The following PCDH15 variants were observed in gnomAD, a reference collection of about 807,000 sequenced individuals.
PCDH15 encodes the protein protocadherin related 15.
A neutral mutation model predicts 178.5 loss-of-function variants in PCDH15; 129 were observed. The ratio of observed to expected loss-of-function variants is 0.72; its 90% CI spans 0.63 to 0.84. The LOEUF (loss-of-function observed/expected upper bound fraction) is 0.84. Among genes scored for constraint, PCDH15 ranks in the 40% least tolerant of loss-of-function variants. The pLI is 0.00. For missense variants in PCDH15, 2,230 were observed against 2,099.9 expected, an observed-to-expected ratio of 1.06 and a Z score of -1.21; for synonymous variants, 800 against 732.0, an observed-to-expected ratio of 1.09 and a Z score of -1.50.
chr10:54,098,081 TAAAAC>T (rs928441124), intron 15 of PCDH15, among the ~76,000 whole-genome samples: 40 of 152,130 alleles, frequency 2.6e-4, no homozygotes, highest in African/African-American at 9.6e-4. Context: ...GAATTTACAG[TAAAAC>T]AAAACAAAAC....
intron 5 of PCDH15, among the ~76,000 whole-genome samples, chr10:54,354,316 A>G (rs1408378606): frequency 1.3e-5 from 2 of 152,172 alleles, no homozygotes; most frequent in African/African-American, 4.8e-5. Context: ...GAATATTTGA[A>G]TACTTGAATG....
chr10:54,293,638 C>A (rs181436532), intron 8 of PCDH15, among the ~76,000 whole-genome samples: 2 of 151,994 alleles, frequency 1.3e-5, no homozygotes, highest in African/African-American at 4.8e-5. Flanking sequence ...ACAAAAAAAC[C>A]CATTAAAAAG....
At chr10:55,256,285 C>G (rs1237181024) in intron 1 of PCDH15, among the ~76,000 whole-genome samples, 1 of 152,166 alleles carries the variant, frequency 6.6e-6, no homozygotes, top group African/African-American at 2.4e-5. Flanking sequence ...CAGTCTACAG[C>G]TCCCAGTGTG....
At chr10:53,980,915 T>C (rs2090585932) in intron 21 of PCDH15, among the ~76,000 whole-genome samples, 2 of 152,200 alleles carry the variant, frequency 1.3e-5, no homozygotes, top group African/African-American at 4.8e-5. Context: ...GGGGGTAGTA[T>C]GTAACTTATT....
chr10:54,526,490 C>T (rs192244895), intron 3 of PCDH15, among the ~76,000 whole-genome samples: 1 of 152,128 alleles, frequency 6.6e-6, no homozygotes, highest in Non-Finnish European at 1.5e-5. Flanking sequence ...AGCCATAATT[C>T]ATCACTGTAA....
intron 1 of PCDH15, among the ~76,000 whole-genome samples, chr10:54,749,674 C>T (rs1945939755): frequency 6.6e-6 from 1 of 152,116 alleles, no homozygotes; most frequent in Non-Finnish European, 1.5e-5. Context: ...CATTTTCCAG[C>T]TGAGTACTTT....
At chr10:55,479,142 G>A (rs1840122449) in intron 2 of PCDH15, among the ~76,000 whole-genome samples, 1 of 151,208 alleles carries the variant, frequency 6.6e-6, no homozygotes, top group Non-Finnish European at 1.5e-5. Flanking sequence ...CCCATTATAT[G>A]AGGTCAGCAT....
rs76930959 is a variant in PCDH15, at chr10:54,463,032, G to A, written c.157+64780C>T. Among the ~76,000 whole-genome samples the A allele has an allele frequency of 9.0e-3, 1,363 of 152,026 alleles. 18 individuals are homozygous for A. Among genetic ancestry groups the A allele is most frequent in the African/African-American group, 0.03 (1,225 of 41,474 alleles). On this transcript the variant is annotated intron_variant, in intron 3 of 37. Transcript: ENST00000644397. ...GAGTCCACACATGTTGGGTATTAAC[G>A]TAAAAACTTTTAAGCTCGTTATAAG...
rs74728708 is a variant in PCDH15 at position 55,608,023 on chromosome 10, T to C, written c.-156+19602A>G. Among the ~76,000 whole-genome samples, 1,507 of 152,168 alleles carry C rather than the reference T, an allele frequency of 9.9e-3. 32 individuals carry two copies. Among genetic ancestry groups the C allele is most frequent in the African/African-American group, 0.035 (1,443 of 41,534 alleles). ...AAAATATCCAAGCAAAAGCGCCTAC[T>C]GGTCAAATGACAGAACCTGAGTCTA... On this transcript the variant is annotated intron_variant, in intron 2 of 5. Transcript: ENST00000613346.
At chr10:53,971,032 T>A (rs888068330) in intron 21 of PCDH15, among the ~76,000 whole-genome samples, 1 of 151,970 alleles carries the variant, frequency 6.6e-6, no homozygotes, top group Admixed American at 6.6e-5. Flanking sequence ...AATGTGAAAA[T>A]CCTAAACAAA....
At chr10:54,789,695 T>G (rs1025180271) in intron 1 of PCDH15, among the ~76,000 whole-genome samples, 6 of 151,960 alleles carry the variant, frequency 3.9e-5, no homozygotes, top group Non-Finnish European at 7.4e-5. Context: ...TCACCTTTTC[T>G]TAATTTTGAA....
chr10:53,939,389 T>C (rs2134058698), intron 24 of PCDH15, among the ~76,000 whole-genome samples: 1 of 152,202 alleles, frequency 6.6e-6, no homozygotes, highest in South Asian at 2.1e-4. Flanking sequence ...AATTTATGAA[T>C]ATTATTATTT....
chr10:55,409,603 G>T (rs890767166), intron 2 of PCDH15, among the ~76,000 whole-genome samples: 19 of 151,934 alleles, frequency 1.3e-4, no homozygotes, highest in African/African-American at 4.1e-4. Flanking sequence ...ACCGTTCAGT[G>T]GTTAGAAACA....
chr10:54,968,101 A>T (rs2131890906), intron 2 of PCDH15, among the ~76,000 whole-genome samples: 1 of 152,270 alleles, frequency 6.6e-6, no homozygotes, highest in African/African-American at 2.4e-5. Context: ...ATTATTTCTT[A>T]CACTTATACA....
At chr10:55,112,361 T>C (rs1418694714) in intron 2 of PCDH15, among the ~76,000 whole-genome samples, 1 of 152,142 alleles carries the variant, frequency 6.6e-6, no homozygotes, top group East Asian at 1.9e-4. Context: ...GGCAGTCTGC[T>C]TAGTACCCAT....
At chr10:53,946,514 C>A (rs1412302591) in intron 23 of PCDH15, among the ~76,000 whole-genome samples, 1 of 152,122 alleles carries the variant, frequency 6.6e-6, no homozygotes, top group Admixed American at 6.5e-5. Flanking sequence ...GGCCTCTTTC[C>A]TTATCAATAT....
At chr10:54,452,774 T>G (rs966723153) in intron 3 of PCDH15, among the ~76,000 whole-genome samples, 3 of 152,086 alleles carry the variant, frequency 2.0e-5, no homozygotes, top group Admixed American at 6.6e-5. Context: ...CCATCTCTTT[T>G]GTTGGAACTC....
intron 2 of PCDH15, among the ~76,000 whole-genome samples, chr10:55,573,018 T>G (rs2132111811): frequency 6.6e-6 from 1 of 152,138 alleles, no homozygotes; most frequent in Admixed American, 6.6e-5. Flanking sequence ...ATTTACTCTA[T>G]TAGACAATGT....
At position 55,233,932 on chromosome 10, in the gene PCDH15, C is replaced by T. The variant is rs138967058; in HGVS notation, c.-155-67281G>A. Among the ~76,000 whole-genome samples the T allele has an allele frequency of 3.3e-3, 499 of 152,048 alleles. 8 individuals carry two copies. Among genetic ancestry groups the T allele is most frequent in the African/African-American group, 0.011 (467 of 41,428 alleles). On this transcript the variant is annotated intron_variant, in intron 1 of 5. Coordinates refer to the PCDH15 transcript ENST00000458638. ...ACAAAATGAAAATAAAGAAGATGAACGAGTATGGATGAAGCCAATATTAAA... is the reference window on the plus strand; with the variant it reads ...ACAAAATGAAAATAAAGAAGATGAATGAGTATGGATGAAGCCAATATTAAA...
Sources: gnomAD v4.1 joint callset for allele counts (sites outside exome capture counted in the v4.1 genomes callset) on GRCh38, gnomAD v4.1.1 for gene constraint, MANE v1.5 for transcripts, NCBI Gene and HGNC (gene_info 2026-07-23, HGNC 2026-07-21) for gene names.